AMBRA1: variants seen among roughly 807,000 people sequenced by gnomAD.
AMBRA1 encodes activating molecule in BECN1-regulated autophagy protein 1.
Under a neutral mutation model 125.4 loss-of-function variants are expected in AMBRA1, and 47 were observed. The ratio of observed to expected loss-of-function variants is 0.37; its 90% confidence interval spans 0.30 to 0.48. AMBRA1 has a LOEUF of 0.48. Among genes scored for constraint, AMBRA1 ranks in the 20% least tolerant of loss-of-function variants. The probability of loss-of-function intolerance (pLI) is 0.99; values close to 1 mark genes in which losing one functional copy is unlikely to be tolerated. For synonymous variants in AMBRA1, 626 were observed against 655.5 expected, an observed-to-expected ratio of 0.95 and a Z score of 0.69; for missense variants, 1,331 against 1,693.4, an observed-to-expected ratio of 0.79 and a Z score of 3.76.
At chr11:46,484,038 T>C (rs1950173801) in intron 11 of AMBRA1, among the ~76,000 whole-genome samples, 1 of 152,228 alleles carries the variant, frequency 6.6e-6, no homozygotes, top group Non-Finnish European at 1.5e-5. Flanking sequence ...TTACTCACCC[T>C]GTAAAGACAG....
intron 14 of AMBRA1, among the ~76,000 whole-genome samples, chr11:46,424,145 G>C (rs1311129197): frequency 6.6e-6 from 1 of 151,876 alleles, no homozygotes; most frequent in Admixed American, 6.5e-5. Context: ...AAAATAACAA[G>C]TCACCTAACT....
Position 46,434,858 on chromosome 11 carries a change from T to C in AMBRA1, c.2812A>G (p.Lys938Glu). The change falls in exon 13 of 18, where the codon AAG becomes GAG. Residue 938 changes from lysine to glutamate, a missense_variant. Physicochemically the swap from Lys to Glu is moderately conservative, Grantham distance 56. Around this residue, in one of 4 missense-constraint regions of AMBRA1, gnomAD observed 354 missense variants for 532.7 expected, o/e 0.66. Coordinates refer to ENST00000683756, the MANE Select transcript of AMBRA1 (RefSeq NM_001387011.1). ...GCTTCCTATCCCTTACCAAATCGCTTGGTGTAGAGCATTTCGCCCAGGTTA... is the reference window on the plus strand; with the variant it reads ...GCTTCCTATCCCTTACCAAATCGCTCGGTGTAGAGCATTTCGCCCAGGTTA... ...PHNLGEMLYTKRFGPNAISVS... is the reference protein window; with the variant it reads ...PHNLGEMLYTERFGPNAISVS... 1 of 1,597,854 alleles carries C rather than the reference T, an allele frequency of 6.3e-7. No homozygotes were observed.
intron 13 of AMBRA1, 109 bp from the exon 14 acceptor site, chr11:46,433,737 C>A: frequency 8.5e-7 from 1 of 1,173,586 alleles, no homozygotes; most frequent in South Asian, 1.5e-5. Context: ...TTCACTTGCT[C>A]ATCCTGGTGT....
At chr11:46,461,787 C>A (rs1485240521) in intron 11 of AMBRA1, among the ~76,000 whole-genome samples, 2 of 152,224 alleles carry the variant, frequency 1.3e-5, no homozygotes, top group African/African-American at 4.8e-5. Context: ...TTGTACCCCA[C>A]AAAGGCAGAG....
intron 1 of AMBRA1, among the ~76,000 whole-genome samples, chr11:46,564,215 T>C (rs555907402): frequency 7.5e-6 from 1 of 132,548 alleles, no homozygotes; most frequent in Non-Finnish European, 1.6e-5. Context: ...AAAATCCCAG[T>C]ATTAAAAAAA....
rs970796055 is a variant in AMBRA1 at position 46,525,702 on chromosome 11, G to C, written c.2073-12889C>G. 2.0e-5 allele frequency among the ~76,000 whole-genome samples: 3 copies of C among 152,092 alleles called. No individual in the cohort carries two copies. In the East Asian group the frequency reaches 5.8e-4, roughly 29 times the overall value. ...GGAGGCGGAAGTTGCAGTGACCCGA[G>C]ATCGTGCCACTGCACTCCAGCCTGG... On this transcript the variant is annotated intron_variant, in intron 7 of 17. Coordinates refer to ENST00000683756, the MANE Select transcript of AMBRA1 (RefSeq NM_001387011.1).
intron 14 of AMBRA1, chr11:46,429,062 G>C (rs1201739022): frequency 5.0e-5 from 81 of 1,610,572 alleles, no homozygotes; most frequent in Middle Eastern, 2.1e-4. Flanking sequence ...CGGGTGCTTA[G>C]GCATGTGGAC....
At chr11:46,465,323 A>G (rs1949280781) in intron 11 of AMBRA1, among the ~76,000 whole-genome samples, 1 of 152,156 alleles carries the variant, frequency 6.6e-6, no homozygotes, top group Admixed American at 6.5e-5. Flanking sequence ...GCACACGCTC[A>G]TCTCTTGGGA....
chr11:46,509,032 G>A lies in AMBRA1; in HGVS notation c.2160-662C>T, dbSNP rs368447760. Among the ~76,000 whole-genome samples the A allele has an allele frequency of 5.4e-4, 82 of 152,272 alleles. No homozygotes were observed. The South Asian group carries it at 0.016, about 30-fold the overall frequency. ...CTGAGACTGACAGTAAAATATACTT[G>A]GGAGAACAGAAAATCTAACAGAAAA... is the stretch of plus-strand genomic sequence containing the variant. On this transcript the variant is annotated intron_variant, in intron 8 of 17. Transcript: ENST00000683756.
At chr11:46,551,826 G>A (rs1423338947) in intron 1 of AMBRA1, among the ~76,000 whole-genome samples, 2 of 152,120 alleles carry the variant, frequency 1.3e-5, no homozygotes, top group African/African-American at 2.4e-5. Flanking sequence ...TCAGGAGTTC[G>A]AGACCAGCCT....
Position 46,450,070 on chromosome 11 carries a change from A to C in AMBRA1, c.2522-6472T>G, listed in dbSNP as rs532567675. On this transcript the variant is annotated intron_variant, in intron 11 of 17. Transcript: ENST00000683756. ...CGAGACTGTCTCAAAAAAAAAAAAA[A>C]AAACAACTAATGTCCACACAAACAC... Among the ~76,000 whole-genome samples the C allele has an allele frequency of 9.7e-3, 1,473 of 152,180 alleles. 14 individuals carry two copies. The highest frequency in any genetic ancestry group is 0.017 in the Non-Finnish European group (1,124 of 67,986).
chr11:46,571,687 CT>C (rs543760300), intron 1 of AMBRA1, among the ~76,000 whole-genome samples: 35,637 of 123,840 alleles, frequency 0.29, 4,501 homozygotes, highest in African/African-American at 0.36. Flanking sequence ...ATCAATCAAT[CT>C]TTTTTTTTTT....
intron 7 of AMBRA1, among the ~76,000 whole-genome samples, chr11:46,515,430 A>G (rs548308887): frequency 1.3e-5 from 2 of 152,200 alleles, no homozygotes; most frequent in African/African-American, 4.8e-5. Flanking sequence ...CTGAGATCGC[A>G]CTACTGCACT....
chr11:46,422,750 C>T (rs1013115848), intron 14 of AMBRA1, among the ~76,000 whole-genome samples: 2 of 151,920 alleles, frequency 1.3e-5, no homozygotes, highest in Non-Finnish European at 2.9e-5. Flanking sequence ...CAGATCAGCC[C>T]GGATAAGAAG....
At chr11:46,524,321 A>G (rs1446475533) in intron 7 of AMBRA1, among the ~76,000 whole-genome samples, 2 of 152,228 alleles carry the variant, frequency 1.3e-5, no homozygotes, top group Non-Finnish European at 2.9e-5. Flanking sequence ...GAGCACCACC[A>G]GTATGTGACA....
chr11:46,511,562 T>G (rs557472697), intron 8 of AMBRA1, among the ~76,000 whole-genome samples: 1 of 152,368 alleles, frequency 6.6e-6, no homozygotes, highest in East Asian at 1.9e-4. Flanking sequence ...AAGTTCATTT[T>G]GCTTTACCTA....
chr11:46,529,240 T>A (rs1384189642), intron 7 of AMBRA1, among the ~76,000 whole-genome samples: 1 of 152,214 alleles, frequency 6.6e-6, no homozygotes, highest in African/African-American at 2.4e-5. Flanking sequence ...CTGCATAATC[T>A]GGCGTAATGG....
intron 14 of AMBRA1, among the ~76,000 whole-genome samples, chr11:46,430,399 G>GCCTGGGCGACAGAGGGAGACTCCA (rs1947398835): frequency 6.6e-6 from 1 of 152,172 alleles, no homozygotes; most frequent in Non-Finnish European, 1.5e-5. Context: ...AAGAAATCTT[G>GCCTGGGCGACAGAGGGAGACTCCA]TTTTAAAAAT....
intron 7 of AMBRA1, among the ~76,000 whole-genome samples, chr11:46,531,355 G>C (rs1952209105): frequency 6.6e-6 from 1 of 152,234 alleles, no homozygotes; most frequent in Non-Finnish European, 1.5e-5. Context: ...AACACACACA[G>C]AATTCAGAGG....
Sources: gnomAD v4.1 joint callset for allele counts (sites outside exome capture counted in the v4.1 genomes callset) on GRCh38, gnomAD v4.1.1 for gene constraint, gnomAD v4.1.1 regional missense constraint, MANE v1.5 for transcripts, NCBI Gene and HGNC (gene_info 2026-07-23, HGNC 2026-07-21) for gene names.